The following OLA1 variants were observed in gnomAD, a reference collection of about 807,000 sequenced individuals.
The protein encoded by OLA1 is Obg like ATPase 1.
A neutral mutation model predicts 48.4 loss-of-function variants in OLA1; 14 were observed. The observed-to-expected ratio is 0.29, with a 90% CI of 0.19 to 0.45. OLA1 has a LOEUF of 0.45. OLA1 is among the 20% of genes least tolerant of loss of function. The pLI, the probability that OLA1 is intolerant of heterozygous loss-of-function variation, is 1.00. For synonymous variants in OLA1, 127 were observed against 150.4 expected, an observed-to-expected ratio of 0.84 and a Z score of 1.14; for missense variants, 325 against 467.1, an observed-to-expected ratio of 0.70 and a Z score of 2.80.
chr2:174,231,060 C>T lies in OLA1; in HGVS notation c.102-1609G>A, dbSNP rs139944278. On this transcript the variant is annotated intron_variant, in intron 2 of 10. Coordinates refer to ENST00000284719, the MANE Select transcript of OLA1 (RefSeq NM_013341.5). ...AAACATTTGGAGGAAACTTGGAGAA[C>T]CTCAGGCACACCACCAGTTTTCCCA... Among the ~76,000 whole-genome samples, 220 of 152,290 alleles carry T rather than the reference C, an allele frequency of 1.4e-3. 1 individual carries two copies. The highest frequency in any genetic ancestry group is 0.014 in the East Asian group (75 of 5,192).
At chr2:174,176,057 A>T (rs1017040231) in intron 4 of OLA1, among the ~76,000 whole-genome samples, 13 of 152,064 alleles carry the variant, frequency 8.5e-5, no homozygotes, top group African/African-American at 3.1e-4. Context: ...GCAAAAGGAC[A>T]CAAATAAACA....
At chr2:174,150,526 G>T (rs939767695) in intron 4 of OLA1, among the ~76,000 whole-genome samples, 2 of 152,208 alleles carry the variant, frequency 1.3e-5, no homozygotes, top group African/African-American at 4.8e-5. Context: ...TTGGGAATAA[G>T]AGGGTATGTA....
intron 4 of OLA1, among the ~76,000 whole-genome samples, chr2:174,188,731 T>C (rs951841150): frequency 4.6e-5 from 7 of 152,234 alleles, no homozygotes; most frequent in Non-Finnish European, 1.0e-4. Flanking sequence ...GTTTGACATA[T>C]ACAAACTTTT....
chr2:174,128,659 C>T (rs998012129), intron 5 of OLA1, among the ~76,000 whole-genome samples: 4 of 151,330 alleles, frequency 2.6e-5, no homozygotes, highest in African/African-American at 7.3e-5. Flanking sequence ...ATCACTTGAA[C>T]CCGGGAAGTG....
At chr2:174,087,138 T>G (rs888589663) in intron 7 of OLA1, among the ~76,000 whole-genome samples, 2 of 151,804 alleles carry the variant, frequency 1.3e-5, no homozygotes, top group Non-Finnish European at 2.9e-5. Context: ...GTGATTCTCC[T>G]ACCTCAGCCT....
intron 5 of OLA1, among the ~76,000 whole-genome samples, chr2:174,128,939 T>C (rs553957976): frequency 1.4e-4 from 21 of 152,174 alleles, no homozygotes; most frequent in African/African-American, 4.6e-4. Context: ...CAATGGAATA[T>C]GGTTAAGAAT....
Position 174,123,661 on chromosome 2 carries a change from T to G in OLA1, c.564A>C (p.Lys188Asn). 3 of 1,585,518 alleles carry G rather than the reference T, an allele frequency of 1.9e-6. No homozygotes were observed. In the South Asian group the frequency reaches 3.5e-5, roughly 18 times the overall value. ...KLKPEYDIMCKVKSWVIDQKK... is the reference protein window; with the variant it reads ...KLKPEYDIMCNVKSWVIDQKK... Reference sequence around the variant, plus strand: ...TTTGATCTATAACCCAGGATTTTACTTTGCACATTATATCCTACACATGAT... The same window carrying G: ...TTTGATCTATAACCCAGGATTTTACGTTGCACATTATATCCTACACATGAT... The change falls in exon 6 of 11, where the codon AAA becomes AAC. Residue 188 changes from lysine to asparagine, a missense_variant. By Grantham distance (94) the Lys-to-Asn change is moderately conservative. Transcript: ENST00000284719.
chr2:174,141,658 C>T lies in OLA1; in HGVS notation c.549+167G>A, dbSNP rs1160575346. On this transcript the variant is annotated intron_variant, in intron 5 of 10. Transcript: ENST00000284719. ...GCCTAAATAGCCTATCACCATGGCC[C>T]TTGGTTGTTTAAAAATAAAGTTCCT... Among the ~76,000 whole-genome samples the T allele has an allele frequency of 3.2e-4, 48 of 151,730 alleles. 1 individual carries two copies. Among genetic ancestry groups the T allele is most frequent in the Admixed American group, 3.2e-3 (48 of 15,204 alleles).
At chr2:174,096,929 G>A (rs774071968) in intron 7 of OLA1, among the ~76,000 whole-genome samples, 15 of 152,264 alleles carry the variant, frequency 9.9e-5, no homozygotes, top group South Asian at 2.1e-4. Flanking sequence ...AAGCCAAGGC[G>A]GGCAGATCAC....
At position 174,097,397 on chromosome 2, in the gene OLA1, C is replaced by A. The variant is rs142839469; in HGVS notation, c.729-15333G>T. Among the ~76,000 whole-genome samples, 89 of 152,228 alleles carry A rather than the reference C, an allele frequency of 5.8e-4. 1 individual carries two copies. The East Asian group carries it at 0.016, about 28-fold the overall frequency. On this transcript the variant is annotated intron_variant, in intron 7 of 10. Transcript: ENST00000284719. ...AAAGCAATATATTTAATAGTCTTTT[C>A]AGTGACATACATAAAACTTTTTTAG...
In OLA1 at chr2:174,074,395, G is replaced by A. The variant is rs950063667; in HGVS notation, c.*1031C>T. 2 of 152,184 alleles carry A rather than the reference G, an allele frequency of 1.3e-5. No individual in the cohort carries two copies. Among genetic ancestry groups the A allele is most frequent in the Non-Finnish European group, 2.9e-5 (2 of 68,038 alleles). 9.4% of individuals were successfully genotyped at this position (152,184 alleles called of 1,614,324 possible). A position where few individuals can be genotyped will look rare whatever the true frequency, so the allele number is the denominator to read the frequency against. On this transcript the variant is annotated 3_prime_UTR_variant, in exon 11 of 11. Coordinates refer to ENST00000284719, the MANE Select transcript of OLA1 (RefSeq NM_013341.5). ...GTCTCCAAATTACCAATTTGTTCTA[G>A]TCTTTCTTTTGGAATTTTCTGCTAC... is the stretch of plus-strand genomic sequence containing the variant.
intron 5 of OLA1, among the ~76,000 whole-genome samples, chr2:174,135,879 A>C (rs547080827): frequency 5.7e-4 from 87 of 152,344 alleles, no homozygotes; most frequent in Non-Finnish European, 7.8e-4. Flanking sequence ...AGCAAGTAAA[A>C]GTAAGTGCAA....
At chr2:174,241,818 T>G (rs1299557143) in intron 2 of OLA1, among the ~76,000 whole-genome samples, 1 of 152,156 alleles carries the variant, frequency 6.6e-6, no homozygotes, top group Non-Finnish European at 1.5e-5. Context: ...GTATTTTTAG[T>G]AGACATGGGG....
intron 4 of OLA1, among the ~76,000 whole-genome samples, chr2:174,144,387 A>G (rs934227413): frequency 6.6e-6 from 1 of 152,124 alleles, no homozygotes; most frequent in African/African-American, 2.4e-5. Flanking sequence ...CTGAAAAAAA[A>G]TTGTCAAATA....
At chr2:174,200,066 C>A (rs898639052) in intron 4 of OLA1, among the ~76,000 whole-genome samples, 14 of 151,560 alleles carry the variant, frequency 9.2e-5, no homozygotes, top group Non-Finnish European at 2.1e-4. Flanking sequence ...GTAATCATTT[C>A]TCAAAAAATA....
At chr2:174,206,970 T>C (rs1173697766) in intron 4 of OLA1, among the ~76,000 whole-genome samples, 1 of 152,202 alleles carries the variant, frequency 6.6e-6, no homozygotes, top group Non-Finnish European at 1.5e-5. Flanking sequence ...CAGCTTTATA[T>C]TGGCAATTTG....
chr2:174,126,486 CA>C (rs1409245953), intron 5 of OLA1, among the ~76,000 whole-genome samples: 1 of 152,062 alleles, frequency 6.6e-6, no homozygotes, highest in African/African-American at 2.4e-5. Context: ...AAATTCTGTA[CA>C]TTATAGAGAT....
At chr2:174,236,531 A>T (rs1688854759) in intron 2 of OLA1, among the ~76,000 whole-genome samples, 1 of 152,228 alleles carries the variant, frequency 6.6e-6, no homozygotes, top group Non-Finnish European at 1.5e-5. Flanking sequence ...CCAGAGCTTC[A>T]GCAGGATACT....
chr2:174,158,354 C>A (rs575755530), intron 4 of OLA1, among the ~76,000 whole-genome samples: 2 of 151,806 alleles, frequency 1.3e-5, no homozygotes, highest in African/African-American at 2.4e-5. Flanking sequence ...ACCCACACAG[C>A]ACGTTATGGT....
Sources: allele counts gnomAD v4.1 joint callset (sites outside exome capture counted in the v4.1 genomes callset), GRCh38; gene constraint gnomAD v4.1.1; transcripts MANE v1.5; gene names NCBI Gene and HGNC (gene_info 2026-07-23, HGNC 2026-07-21).